Variants in L3MBTL4 observed in about 807,000 individuals in gnomAD.
L3MBTL4 encodes the protein lethal(3)malignant brain tumor-like protein 4.
L3MBTL4 carries 70 observed loss-of-function variants against 84.5 expected under a neutral mutation model. The ratio of observed to expected loss-of-function variants is 0.83; its 90% CI spans 0.68 to 1.01. The LOEUF (loss-of-function observed/expected upper bound fraction) is 1.01. Among genes scored for constraint, L3MBTL4 ranks in the 50% least tolerant of loss-of-function variants. The probability of loss-of-function intolerance (pLI) is 0.00; values close to 1 mark genes in which losing one functional copy is unlikely to be tolerated. For missense variants in L3MBTL4, 715 were observed against 754.8 expected (o/e 0.95, Z 0.62); for synonymous variants, 274 against 259.8 (o/e 1.05, Z -0.52).
chr18:5,958,353 C>T (rs530812790), intron 18 of L3MBTL4, among the ~76,000 whole-genome samples: 6 of 152,160 alleles, frequency 3.9e-5, no homozygotes, highest in African/African-American at 1.4e-4. Flanking sequence ...GGAGGAAACA[C>T]TTTTTCCCTC....
chr18:6,256,956 A>G (rs2048168605), intron 5 of L3MBTL4: 1 of 152,366 alleles, frequency 6.6e-6, no homozygotes, highest in Non-Finnish European at 1.5e-5. Context: ...GTCAGAGCAC[A>G]CAGGGCTACC....
chr18:6,168,712 A>C (rs542473820), intron 13 of L3MBTL4, among the ~76,000 whole-genome samples: 2,268 of 152,172 alleles, frequency 0.015, 52 homozygotes, highest in African/African-American at 0.052. Context: ...TAGACCTAAA[A>C]CCATAAAAAC....
At chr18:6,213,476 G>A (rs1020097074) in intron 11 of L3MBTL4, among the ~76,000 whole-genome samples, 5 of 152,190 alleles carry the variant, frequency 3.3e-5, no homozygotes, top group African/African-American at 7.2e-5. Flanking sequence ...GCAATGGTAC[G>A]ATCTCAGCTC....
At chr18:6,232,099 G>A (rs1380318296) in intron 10 of L3MBTL4, among the ~76,000 whole-genome samples, 2 of 152,072 alleles carry the variant, frequency 1.3e-5, no homozygotes, top group Admixed American at 6.6e-5. Context: ...TCATGAAAGG[G>A]TGTTGAATCT....
intron 1 of L3MBTL4, among the ~76,000 whole-genome samples, chr18:6,313,489 T>C (rs533209656): frequency 6.6e-6 from 1 of 152,258 alleles, no homozygotes; most frequent in East Asian, 1.9e-4. Context: ...CAGGCACTTA[T>C]GTACTAAATT....
At chr18:6,398,941 T>C (rs1366487077) in intron 1 of L3MBTL4, among the ~76,000 whole-genome samples, 1 of 152,158 alleles carries the variant, frequency 6.6e-6, no homozygotes, top group Non-Finnish European at 1.5e-5. Flanking sequence ...AGCACCCCAG[T>C]GTTTGTCCAG....
At chr18:6,155,893 C>T (rs895156122) in intron 13 of L3MBTL4, among the ~76,000 whole-genome samples, 2 of 152,088 alleles carry the variant, frequency 1.3e-5, no homozygotes, top group Non-Finnish European at 2.9e-5. Flanking sequence ...ATACTTGACT[C>T]TGTGTTCATT....
chr18:6,353,803 G>A (rs1415331816), intron 1 of L3MBTL4, among the ~76,000 whole-genome samples: 1 of 137,364 alleles, frequency 7.3e-6, no homozygotes, highest in Non-Finnish European at 1.5e-5. Flanking sequence ...AAAATGGAAA[G>A]ATATTCCATT....
chr18:6,260,976 G>A (rs1418160622), intron 5 of L3MBTL4: 1 of 152,170 alleles, frequency 6.6e-6, no homozygotes, highest in Non-Finnish European at 1.5e-5. Flanking sequence ...TCAAGTTAGA[G>A]TAACACTGTG....
chr18:6,151,056 G>A (rs2042874370), intron 13 of L3MBTL4, among the ~76,000 whole-genome samples: 1 of 152,130 alleles, frequency 6.6e-6, no homozygotes, highest in African/African-American at 2.4e-5. Context: ...GAGCCTGGGA[G>A]TCTACTAGAA....
intron 18 of L3MBTL4, among the ~76,000 whole-genome samples, chr18:5,958,113 AAGAAGAAGAAGAAGAAAAAG>A (rs1473463553): frequency 1.5e-4 from 10 of 65,974 alleles, no homozygotes; most frequent in South Asian, 9.4e-4. Context: ...GAAGAAGAAG[AAGAAGAAGAAGAAGAAAAAG>A]AAGAAGAAGA....
At chr18:6,318,494 T>TAAAAAAAAAA (rs71370550) in intron 1 of L3MBTL4, among the ~76,000 whole-genome samples, 389 of 14,238 alleles carry the variant, frequency 0.027, 5 homozygotes, top group Middle Eastern at 0.071. Flanking sequence ...ACAACAATAG[T>TAAAAAAAAAA]AAAAAAAAAA....
intron 1 of L3MBTL4, among the ~76,000 whole-genome samples, chr18:6,346,257 A>G (rs1323752173): frequency 6.6e-6 from 1 of 151,702 alleles, no homozygotes; most frequent in Non-Finnish European, 1.5e-5. Context: ...TGTAAGGGAA[A>G]AGTGTCTTCA....
chr18:6,204,480 A>G (rs1474178044), intron 12 of L3MBTL4, among the ~76,000 whole-genome samples: 1 of 152,198 alleles, frequency 6.6e-6, no homozygotes, highest in South Asian at 2.1e-4. Flanking sequence ...ATACCACCTG[A>G]CAAAGGGGCT....
rs186766127 is a variant in L3MBTL4 at position 6,045,712 on chromosome 18, A to C, written c.1444+35169T>G. On this transcript the variant is annotated intron_variant, in intron 16 of 18. Coordinates refer to ENST00000317931, the MANE Select transcript of L3MBTL4 (RefSeq NM_001330559.2). ...GGGAATTCAAGATGAGATTTGGGTAAGGACACAGCCAAACTACATCAGAAG... is the reference window on the plus strand; with the variant it reads ...GGGAATTCAAGATGAGATTTGGGTACGGACACAGCCAAACTACATCAGAAG... Among the ~76,000 whole-genome samples the C allele has an allele frequency of 4.6e-3, 697 of 152,304 alleles. 3 individuals carry two copies. The highest frequency in any genetic ancestry group is 0.016 in the African/African-American group (678 of 41,562).
chr18:6,410,696 T>G (rs1206835637), intron 1 of L3MBTL4, among the ~76,000 whole-genome samples: 1 of 152,226 alleles, frequency 6.6e-6, no homozygotes, highest in Non-Finnish European at 1.5e-5. Flanking sequence ...ATGCATGCAC[T>G]GCTGTTCATC....
chr18:6,054,908 A>C (rs1450193823), intron 16 of L3MBTL4, among the ~76,000 whole-genome samples: 2 of 152,198 alleles, frequency 1.3e-5, no homozygotes, highest in African/African-American at 4.8e-5. Flanking sequence ...CTTTCCCTGA[A>C]GCTCAGCTTC....
rs149079534 is a variant in L3MBTL4 at position 6,008,151 on chromosome 18, A to G, written c.1445-38589T>C. On this transcript the variant is annotated intron_variant, in intron 16 of 18. Transcript: ENST00000317931. ...GAAATATGACCTTTCTTTGATCCCA[A>G]TGGTAAGTGGCCACGGGGATCTATC... is the stretch of plus-strand genomic sequence containing the variant. Among the ~76,000 whole-genome samples, 279 of 152,234 alleles carry G rather than the reference A, an allele frequency of 1.8e-3. 2 individuals carry two copies. The highest frequency in any genetic ancestry group is 4.8e-3 in the South Asian group (23 of 4,812).
intron 1 of L3MBTL4, among the ~76,000 whole-genome samples, chr18:6,386,044 T>A (rs781569106): frequency 6.6e-6 from 1 of 152,194 alleles, no homozygotes; most frequent in Non-Finnish European, 1.5e-5. Context: ...GTGTTTTCCA[T>A]CCAGTAGGAG....
Sources: allele counts gnomAD v4.1 joint callset (sites outside exome capture counted in the v4.1 genomes callset), GRCh38; gene constraint gnomAD v4.1.1; transcripts MANE v1.5; gene names NCBI Gene and HGNC (gene_info 2026-07-23, HGNC 2026-07-21).